The following LTO1 variants were observed in gnomAD, a reference collection of about 807,000 sequenced individuals.
The protein encoded by LTO1 is LTO1 maturation factor of ABCE1, also known as protein LTO1 homolog.
LTO1 carries 18 observed loss-of-function variants against 19.8 expected under a neutral mutation model. The observed-to-expected ratio is 0.91, with a 90% confidence interval of 0.63 to 1.35. The LOEUF (loss-of-function observed/expected upper bound fraction) is 1.35, where lower values mean the gene tolerates loss of function less well. Among genes scored for constraint, LTO1 ranks in the 40% most tolerant of loss-of-function variants. The probability of loss-of-function intolerance (pLI) is 0.00; values close to 1 mark genes in which losing one functional copy is unlikely to be tolerated. For missense variants in LTO1, 175 were observed against 167.9 expected, an observed-to-expected ratio of 1.04 and a Z score of -0.23; for synonymous variants, 59 against 59.6, an observed-to-expected ratio of 0.99 and a Z score of 0.05.
At chr11:69,672,751 T>C (rs977514475) in intron 2 of LTO1, 5 of 283,242 alleles carry the variant, frequency 1.8e-5, no homozygotes, top group African/African-American at 1.1e-4. Flanking sequence ...AGAATATTTC[T>C]CCAGCAACAG....
chr11:69,666,588 C>T lies in LTO1; in HGVS notation c.*931G>A, dbSNP rs575028619. On this transcript the variant is annotated 3_prime_UTR_variant, in exon 5 of 5. Coordinates refer to ENST00000279147, the MANE Select transcript of LTO1 (RefSeq NM_153451.3). ...CTAGGAGAGGGGAGAATGCAGGAGG[C>T]TATACGCATGGTTCTCAAAGCTTCT... The T allele has an allele frequency of 1.3e-5, 2 of 152,398 alleles. No individual in the cohort carries two copies. The highest frequency in any genetic ancestry group is 2.4e-5 in the African/African-American group (1 of 41,578). The allele number at this position is 152,398 out of a possible 1,614,324, so 9.4% of individuals were successfully genotyped here.
chr11:69,666,576 G>A lies in LTO1; in HGVS notation c.*943C>T, dbSNP rs935221315. ...ACAAAAGAGCTCCTAGGAGAGGGGA[G>A]AATGCAGGAGGCTATACGCATGGTT... is the stretch of plus-strand genomic sequence containing the variant. On this transcript the variant is annotated 3_prime_UTR_variant, in exon 5 of 5. Transcript: ENST00000279147. The A allele has an allele frequency of 6.6e-6, 1 of 152,272 alleles. No homozygotes were observed. The highest frequency in any genetic ancestry group is 1.5e-5 in the Non-Finnish European group (1 of 68,064). 9.4% of individuals were successfully genotyped at this position (152,272 alleles called of 1,614,324 possible). A position where few individuals can be genotyped will look rare whatever the true frequency, so the allele number is the denominator to read the frequency against.
At chr11:69,670,389 C>G (rs1856093512) in intron 3 of LTO1, among the ~76,000 whole-genome samples, 1 of 152,174 alleles carries the variant, frequency 6.6e-6, no homozygotes, top group South Asian at 2.1e-4. Flanking sequence ...GAGTTGAGAG[C>G]CAGGCTCAGC....
chr11:69,669,174 C>T (rs1856073933), intron 3 of LTO1, among the ~76,000 whole-genome samples: 1 of 152,164 alleles, frequency 6.6e-6, no homozygotes, highest in Non-Finnish European at 1.5e-5. Context: ...ATAATCCACA[C>T]ATGTGTACAT....
chr11:69,674,392 C>G (rs1856157202), intron 1 of LTO1, among the ~76,000 whole-genome samples: 1 of 152,364 alleles, frequency 6.6e-6, no homozygotes, highest in Non-Finnish European at 1.5e-5. Context: ...AACAGTGGAA[C>G]TGCCACTATC....
At chr11:69,673,343 C>A (rs770836911) in intron 1 of LTO1, 22 bp from the exon 2 acceptor site, 1 of 1,449,702 alleles carries the variant, frequency 6.9e-7, no homozygotes, top group Non-Finnish European at 9.7e-7. Flanking sequence ...AAGCATGCTT[C>A]ATCAAATCAA....
chr11:69,670,124 G>T (rs542181505), intron 3 of LTO1, among the ~76,000 whole-genome samples: 2 of 152,172 alleles, frequency 1.3e-5, no homozygotes, highest in African/African-American at 4.8e-5. Context: ...ATGGGATGAG[G>T]GCGGCTGCGA....
intron 2 of LTO1, 144 bp from the exon 3 acceptor site, chr11:69,671,963 G>A: frequency 1.6e-6 from 1 of 636,626 alleles, no homozygotes; most frequent in East Asian, 2.8e-5. Context: ...TGAGCATTAG[G>A]CAATGGAAAT....
In LTO1 at chr11:69,667,526, GA is replaced by G; in HGVS notation, c.406del (p.Ser136HisfsTer7). The G allele has an allele frequency of 6.2e-7, 1 of 1,605,630 alleles. No individual in the cohort carries two copies. The highest frequency in any genetic ancestry group is 8.5e-7 in the Non-Finnish European group (1 of 1,172,250). On this transcript the variant is annotated frameshift_variant, in exon 5 of 5. Coordinates refer to ENST00000279147, the MANE Select transcript of LTO1 (RefSeq NM_153451.3). LOFTEE classifies it high-confidence loss of function. Reference sequence around the variant, plus strand: ...TCTGTTCATCCATCCTCCTCAAAATGAAAGTCCGGAACCTTCTGCACTAATT... The same window carrying G: ...TCTGTTCATCCATCCTCCTCAAAATGAAGTCCGGAACCTTCTGCACTAATT... ...FKISAEGSGLSF is the reference protein window; with the variant it reads ...FKISAEGSGLXF
intron 1 of LTO1, among the ~76,000 whole-genome samples, chr11:69,674,044 G>A (rs1856151410): frequency 6.6e-6 from 1 of 151,982 alleles, no homozygotes; most frequent in Admixed American, 6.6e-5. Flanking sequence ...TAGTAGAGAC[G>A]GGGTTTCACC....
intron 3 of LTO1, among the ~76,000 whole-genome samples, chr11:69,669,096 T>C (rs1856073261): frequency 6.6e-6 from 1 of 151,768 alleles, no homozygotes; most frequent in South Asian, 2.1e-4. Flanking sequence ...CAATAAATGT[T>C]AGTCTCTTGG....
rs563372067 is a variant in LTO1 at position 69,670,093 on chromosome 11, G to A, written c.227+1656C>T. On this transcript the variant is annotated intron_variant, in intron 3 of 4. Coordinates refer to ENST00000279147, the MANE Select transcript of LTO1 (RefSeq NM_153451.3). ...CTACAATAAAGCCTTAGGTTCCAAAGAGACCTCTGGGTACTACTGGATGGG... is the reference window on the plus strand; with the variant it reads ...CTACAATAAAGCCTTAGGTTCCAAAAAGACCTCTGGGTACTACTGGATGGG... 2.0e-5 allele frequency among the ~76,000 whole-genome samples: 3 copies of A among 152,174 alleles called. No homozygotes were observed. The South Asian group carries it at 6.2e-4, about 32-fold the overall frequency.
At chr11:69,670,244 T>C (rs895184403) in intron 3 of LTO1, among the ~76,000 whole-genome samples, 1 of 152,096 alleles carries the variant, frequency 6.6e-6, no homozygotes, top group East Asian at 1.9e-4. Context: ...TGCTCTGGGG[T>C]AAGGGCTGGC....
rs1480018741 is a variant in LTO1, at chr11:69,666,120, A to T, written c.*1399T>A. On this transcript the variant is annotated 3_prime_UTR_variant, in exon 5 of 5. Transcript: ENST00000279147. ...CAGTGAGCCGAGATCGCGCCAATAC[A>T]CTCCAAACTCGGCGACAGAGTGAGA... 2.0e-5 allele frequency: 3 copies of T among 152,058 alleles called. No homozygotes were observed. Among genetic ancestry groups the T allele is most frequent in the African/African-American group, 7.2e-5 (3 of 41,402 alleles). The allele number at this position is 152,058 out of a possible 1,614,324, so 9.4% of individuals were successfully genotyped here. A position where few individuals can be genotyped will look rare whatever the true frequency, so the allele number is the denominator to read the frequency against.
intron 1 of LTO1, among the ~76,000 whole-genome samples, chr11:69,674,262 A>C (rs1203257192): frequency 6.6e-6 from 1 of 152,194 alleles, no homozygotes; most frequent in African/African-American, 2.4e-5. Flanking sequence ...ACCGCTTCCA[A>C]AAAACTGCAA....
rs1318832135 is a variant in LTO1 at position 69,666,314 on chromosome 11, C to A, written c.*1205G>T. 1.3e-5 allele frequency: 2 copies of A among 151,944 alleles called. No homozygotes were observed. Among genetic ancestry groups the A allele is most frequent in the Non-Finnish European group, 2.9e-5 (2 of 67,822 alleles). The allele number at this position is 151,944 out of a possible 1,614,324, so 9.4% of individuals were successfully genotyped here. A position where few individuals can be genotyped will look rare whatever the true frequency, so the allele number is the denominator to read the frequency against. On this transcript the variant is annotated 3_prime_UTR_variant, in exon 5 of 5. Coordinates refer to ENST00000279147, the MANE Select transcript of LTO1 (RefSeq NM_153451.3). ...AATGGTTTTAAAACCAAAGTGGATTCATGGCGACCCCTTAATAATCTCCTG... is the reference window on the plus strand; with the variant it reads ...AATGGTTTTAAAACCAAAGTGGATTAATGGCGACCCCTTAATAATCTCCTG...
chr11:69,666,724 ATG>A lies in LTO1; in HGVS notation c.*793_*794del, dbSNP rs1856037368. The stretch of plus-strand genomic sequence containing the variant: ...CCCCTCTAGGGACAGTGCAAAGGAT[ATG>A]TCTGGGTCCCCTCAGGATCAGGTTG... On this transcript the variant is annotated 3_prime_UTR_variant, in exon 5 of 5. Coordinates refer to ENST00000279147, the MANE Select transcript of LTO1 (RefSeq NM_153451.3). 6.6e-6 allele frequency: 1 copy of A among 152,240 alleles called. No homozygotes were observed. Among genetic ancestry groups the A allele is most frequent in the African/African-American group, 2.4e-5 (1 of 41,436 alleles). 9.4% of individuals were successfully genotyped at this position (152,240 alleles called of 1,614,324 possible). A position where few individuals can be genotyped will look rare whatever the true frequency, so the allele number is the denominator to read the frequency against.
At chr11:69,674,696 G>C (rs1353813856) in intron 1 of LTO1, 1 of 454,298 alleles carries the variant, frequency 2.2e-6, no homozygotes, top group Non-Finnish European at 4.4e-6. Flanking sequence ...TCTGGGCCGG[G>C]CACTGGAAGT....
chr11:69,669,260 T>C (rs1565078866), intron 3 of LTO1, among the ~76,000 whole-genome samples: 1 of 152,060 alleles, frequency 6.6e-6, no homozygotes, highest in Admixed American at 6.6e-5. Flanking sequence ...CATTGGACCA[T>C]GTGAGTGGCC....
Sources: allele counts gnomAD v4.1 joint callset (sites outside exome capture counted in the v4.1 genomes callset), GRCh38; gene constraint gnomAD v4.1.1; transcripts MANE v1.5; gene names NCBI Gene and HGNC (gene_info 2026-07-23, HGNC 2026-07-21).